The following DNAH12 variants were observed in gnomAD, a reference collection of about 807,000 sequenced individuals.
DNAH12 encodes dynein axonemal heavy chain 12.
A neutral mutation model predicts 371.5 loss-of-function variants in DNAH12; 285 were observed. The ratio of observed to expected loss-of-function variants is 0.77; its 90% confidence interval spans 0.70 to 0.85. The LOEUF (loss-of-function observed/expected upper bound fraction) is 0.85. DNAH12 is among the 40% of genes least tolerant of loss of function. The pLI is 0.00. For synonymous variants in DNAH12, 1,200 were observed against 1,213.0 expected, an observed-to-expected ratio of 0.99 and a Z score of 0.22; for missense variants, 3,611 against 3,689.4, an observed-to-expected ratio of 0.98 and a Z score of 0.55.
intron 13 of DNAH12, among the ~76,000 whole-genome samples, chr3:57,478,258 C>G (rs2066606862): frequency 1.3e-5 from 2 of 152,238 alleles, no homozygotes; most frequent in South Asian, 4.1e-4. Context: ...AACCAAGGCA[C>G]AAGAACTACG....
chr3:57,302,552 TATATATATA>T (rs1559535305), intron 69 of DNAH12, among the ~76,000 whole-genome samples: 1 of 97,826 alleles, frequency 1.0e-5, no homozygotes, highest in African/African-American at 3.7e-5. Context: ...TATATATATA[TATATATATA>T]TATGTATTTT....
At chr3:57,444,620 T>C in intron 29 of DNAH12, 77 bp downstream of exon 29, 1 of 1,521,230 alleles carries the variant, frequency 6.6e-7, no homozygotes, top group South Asian at 1.3e-5. Context: ...TTTCACACAT[T>C]AATAAATCTT....
intron 20 of DNAH12, 110 bp downstream of exon 20, chr3:57,459,482 G>A: frequency 9.4e-7 from 1 of 1,066,962 alleles, no homozygotes; most frequent in African/African-American, 1.6e-5. Context: ...TTTCCAGTTT[G>A]TATACAATGA....
chr3:57,512,286 T>A (rs1426318368), intron 4 of DNAH12, among the ~76,000 whole-genome samples: 2 of 152,068 alleles, frequency 1.3e-5, no homozygotes, highest in East Asian at 3.9e-4. Context: ...ATAAAGTAAA[T>A]AGAGCAGTTA....
intron 12 of DNAH12, 49 bp from the exon 13 acceptor site, chr3:57,483,560 C>G: frequency 2.0e-6 from 3 of 1,482,210 alleles, no homozygotes; most frequent in Non-Finnish European, 2.7e-6. Flanking sequence ...AATGTTATAT[C>G]ATATTCAATA....
chr3:57,322,800 T>C (rs929780016), intron 64 of DNAH12, among the ~76,000 whole-genome samples: 6 of 152,082 alleles, frequency 3.9e-5, no homozygotes, highest in Non-Finnish European at 8.8e-5. Context: ...CATGGTGGTA[T>C]GCGCCTGTAA....
chr3:57,404,944 A>G (rs2063979685), intron 42 of DNAH12, 25 bp downstream of exon 42: 1 of 1,444,950 alleles, frequency 6.9e-7, no homozygotes. Flanking sequence ...TAGCAATTTC[A>G]AGCATCAACA....
chr3:57,357,880 T>C (rs1480524801), intron 58 of DNAH12, among the ~76,000 whole-genome samples: 1 of 152,220 alleles, frequency 6.6e-6, no homozygotes, highest in Non-Finnish European at 1.5e-5. Context: ...TTGATGGTTT[T>C]ATATACAAGA....
At chr3:57,311,445 T>C (rs2107680366) in intron 66 of DNAH12, among the ~76,000 whole-genome samples, 1 of 152,378 alleles carries the variant, frequency 6.6e-6, no homozygotes, top group Middle Eastern at 3.4e-3. Flanking sequence ...ATATTGCTTC[T>C]GTAATGAGAA....
In DNAH12 at chr3:57,446,668, G is replaced by C. The variant is rs1172218810; in HGVS notation, c.3808C>G (p.Leu1270Val). The part of the protein sequence containing the change: ...RTLIGAFYLN[L>V]GGAPEGPAGT... The stretch of plus-strand genomic sequence containing the variant: ...GCTGGCCCCTCTGGAGCACCTCCAA[G>C]GTTTAAATAGAAAGCACCTATCTGA... Residue 1270 changes from leucine to valine, a missense_variant, in exon 26 of 74, where the codon CTT becomes GTT. Physicochemically the swap from Leu to Val is conservative, Grantham distance 32. Around this residue, in one of 3 missense-constraint regions of DNAH12, gnomAD observed 2,266 missense variants for 2,236.9 expected, o/e 1.01. Coordinates refer to ENST00000495027, the MANE Select transcript of DNAH12 (RefSeq NM_001366028.2). 1.3e-6 allele frequency: 2 copies of C among 1,513,820 alleles called. No homozygotes were observed. Among genetic ancestry groups the C allele is most frequent in the Non-Finnish European group, 8.8e-7 (1 of 1,130,880 alleles). 93.8% of individuals were successfully genotyped at this position (1,513,820 alleles called of 1,614,324 possible). A position where few individuals can be genotyped will look rare whatever the true frequency, so the allele number is the denominator to read the frequency against.
chr3:57,485,640 C>T (rs1198213537), intron 12 of DNAH12, among the ~76,000 whole-genome samples: 1 of 151,998 alleles, frequency 6.6e-6, no homozygotes, highest in East Asian at 1.9e-4. Flanking sequence ...ACCTCGTGAT[C>T]CACCTGCTTC....
chr3:57,539,529 C>T (rs1159779246), intron 2 of DNAH12, among the ~76,000 whole-genome samples: 1 of 152,112 alleles, frequency 6.6e-6, no homozygotes, highest in South Asian at 2.1e-4. Context: ...CTGGATCTCT[C>T]CTTACATATT....
At position 57,461,818 on chromosome 3, in the gene DNAH12, G is replaced by A. The variant is rs944593788; in HGVS notation, c.2536-129C>T. ...ATCATTTCCTTAAGATAATCTGTGA[G>A]TACAGTATAACTTTTTAAGTTAGAA... On this transcript the variant is annotated intron_variant, in intron 18 of 73. Coordinates refer to ENST00000495027, the MANE Select transcript of DNAH12 (RefSeq NM_001366028.2). The A allele has an allele frequency of 4.9e-5, 36 of 736,474 alleles. No homozygotes were observed. The African/African-American group carries it at 6.2e-4, about 13-fold the overall frequency. 45.6% of individuals were successfully genotyped at this position (736,474 alleles called of 1,614,324 possible).
intron 65 of DNAH12, among the ~76,000 whole-genome samples, chr3:57,316,147 C>G (rs201663107): frequency 9.0e-6 from 1 of 110,916 alleles, no homozygotes; most frequent in African/African-American, 3.4e-5. Context: ...TTTTTTTTTG[C>G]TTGTTTTTGA....
intron 29 of DNAH12, among the ~76,000 whole-genome samples, chr3:57,441,241 C>T (rs545064505): frequency 6.6e-6 from 1 of 152,050 alleles, no homozygotes; most frequent in East Asian, 1.9e-4. Flanking sequence ...CACACTAGAA[C>T]TAAAAAGATC....
chr3:57,478,127 A>T (rs1296184688), intron 13 of DNAH12, among the ~76,000 whole-genome samples: 1 of 152,232 alleles, frequency 6.6e-6, no homozygotes, highest in African/African-American at 2.4e-5. Flanking sequence ...AACTACTTTG[A>T]GCTAAAGGAG....
Position 57,421,532 on chromosome 3 carries a change from C to A in DNAH12, c.5548G>T (p.Asp1850Tyr). The change falls in exon 36 of 74, where the codon GAC becomes TAC. Residue 1850 changes from aspartate (D) to tyrosine (Y), a missense_variant. Physicochemically the swap from Asp to Tyr is radical, Grantham distance 160. This residue lies in a region of DNAH12 where 2,266 missense variants were observed against 2,236.9 expected (regional missense o/e 1.01). Transcript: ENST00000495027. The stretch of plus-strand genomic sequence containing the variant: ...TTATGTCATACCTCATACATGTAGT[C>A]ATAGACCAGGCCTTTTTCATCAAAT... ...CPFDEKGLVY[D>Y]YMYELKNKGR... 1 of 1,551,618 alleles carries A rather than the reference C, an allele frequency of 6.4e-7. No individual in the cohort carries two copies. The highest frequency in any genetic ancestry group is 1.2e-5 in the South Asian group (1 of 84,042).
intron 4 of DNAH12, chr3:57,512,455 T>G (rs1232474324): frequency 2.6e-5 from 4 of 152,214 alleles, no homozygotes; most frequent in Admixed American, 2.6e-4. Flanking sequence ...AAACAGTGCT[T>G]GCTTTGGCAG....
chr3:57,397,289 A>G (rs2063763072), intron 43 of DNAH12, among the ~76,000 whole-genome samples: 1 of 151,940 alleles, frequency 6.6e-6, no homozygotes, highest in South Asian at 2.1e-4. Context: ...CACCCAGAAA[A>G]GAGCATGAAC....
Sources: allele counts gnomAD v4.1 joint callset (sites outside exome capture counted in the v4.1 genomes callset), GRCh38; gene constraint gnomAD v4.1.1; regional missense constraint gnomAD v4.1.1; transcripts MANE v1.5; gene names NCBI Gene and HGNC (gene_info 2026-07-23, HGNC 2026-07-21).